The following ART1 variants were observed in gnomAD, a reference collection of about 807,000 sequenced individuals.
ART1 encodes the protein ADP-ribosyltransferase 1, also known as GPI-linked NAD(P)(+)--arginine ADP-ribosyltransferase 1.
Under a neutral mutation model 27.0 loss-of-function variants are expected in ART1, and 29 were observed. The ratio of observed to expected loss-of-function variants is 1.08; its 90% CI spans 0.80 to 1.47. ART1 has a LOEUF of 1.47. Among genes scored for constraint, ART1 ranks in the 40% most tolerant of loss-of-function variants. ART1 has a pLI of 0.00. For synonymous variants in ART1, 201 were observed against 172.2 expected (o/e 1.17, Z -1.31); for missense variants, 480 against 423.0 (o/e 1.13, Z -1.18).
intron 1 of ART1, among the ~76,000 whole-genome samples, chr11:3,645,398 G>C (rs1236675893): frequency 6.6e-6 from 1 of 152,170 alleles, no homozygotes; most frequent in Non-Finnish European, 1.5e-5. Context: ...TGTTCAGCAA[G>C]GGCCTGGATG....
At position 3,663,078 on chromosome 11, in the gene ART1, CA is replaced by C. The variant is rs1564786999; in HGVS notation, c.887-1013del. On this transcript the variant is annotated intron_variant, in intron 4 of 4. Transcript: ENST00000250693. ...CTCATCTCATCTCATCTCATCTCAT[CA>C]TCTCATCTCATCATCTCATCTCATC... 1.4e-3 allele frequency among the ~76,000 whole-genome samples: 150 copies of C among 108,668 alleles called. 1 individual carries two copies. The highest frequency in any genetic ancestry group is 4.3e-3 in the African/African-American group (104 of 24,158). 71.3% of individuals were successfully genotyped at this position (108,668 alleles called of 152,430 possible).
chr11:3,658,814 TC>T (rs1338386659), intron 1 of ART1, among the ~76,000 whole-genome samples: 1 of 152,188 alleles, frequency 6.6e-6, no homozygotes, highest in African/African-American at 2.4e-5. Context: ...CCCCGCAAGC[TC>T]TGCCAGCCTA....
chr11:3,664,203 G>C lies in ART1; in HGVS notation c.*14G>C, dbSNP rs1275446394. On this transcript the variant is annotated 3_prime_UTR_variant, in exon 5 of 5. Transcript: ENST00000250693. ...GGCCTCCTTTGATGCATGAGACACG[G>C]GACAGCCTCGCCTGCTGCCTCTGCC... 1.2e-6 allele frequency: 2 copies of C among 1,611,874 alleles called. No individual in the cohort carries two copies. Among genetic ancestry groups the C allele is most frequent in the Non-Finnish European group, 1.7e-6 (2 of 1,178,930 alleles).
At position 3,660,053 on chromosome 11, in the gene ART1, C is replaced by T; in HGVS notation, c.534C>T (p.Phe178=). The change falls in exon 3 of 5, where the codon TTC becomes TTT. Residue 178 remains phenylalanine (F), a synonymous_variant. Transcript: ENST00000250693. ...GQRPPRCHQV[F]RGVHGLRFRP... ...GTCCACCCCGGTGCCACCAGGTGTT[C>T]CGAGGTGTGCACGGCCTGCGCTTCC... 1 of 1,613,678 alleles carries T rather than the reference C, an allele frequency of 6.2e-7. No homozygotes were observed. The highest frequency in any genetic ancestry group is 1.1e-5 in the South Asian group (1 of 91,068).
rs189708816 is a variant in ART1, at chr11:3,647,810, T to A, written c.-53+2631T>A. Among the ~76,000 whole-genome samples the A allele has an allele frequency of 2.8e-3, 432 of 151,822 alleles. 4 individuals are homozygous for A. In the Middle Eastern group the frequency reaches 0.041, roughly 14 times the overall value. ...TATTAATTATGTGCAGTTTTTTGTA[T>A]ACCAATTATACTTCAATGAGGCTGA... is the stretch of plus-strand genomic sequence containing the variant. On this transcript the variant is annotated intron_variant, in intron 1 of 4. Transcript: ENST00000250693.
intron 1 of ART1, among the ~76,000 whole-genome samples, chr11:3,650,875 A>G (rs376374336): frequency 2.2e-5 from 3 of 136,066 alleles, no homozygotes; most frequent in African/African-American, 7.7e-5. Flanking sequence ...CCGATCATGC[A>G]CCCCTTACCA....
At chr11:3,652,165 A>C (rs1013236619) in intron 1 of ART1, among the ~76,000 whole-genome samples, 1 of 150,478 alleles carries the variant, frequency 6.6e-6, no homozygotes, top group African/African-American at 2.5e-5. Flanking sequence ...AATTAGCTTT[A>C]CTCAACATGC....
chr11:3,658,681 C>T (rs1468912459), intron 1 of ART1, among the ~76,000 whole-genome samples: 1 of 152,184 alleles, frequency 6.6e-6, no homozygotes. Context: ...TAAGGCCCCA[C>T]CAGCTGAACA....
At chr11:3,649,669 A>T (rs1371524426) in intron 1 of ART1, among the ~76,000 whole-genome samples, 1 of 151,586 alleles carries the variant, frequency 6.6e-6, no homozygotes, top group African/African-American at 2.4e-5. Flanking sequence ...CCCTCCTCAC[A>T]CCCGGTCTGG....
intron 1 of ART1, among the ~76,000 whole-genome samples, chr11:3,647,556 C>T (rs1156768272): frequency 6.6e-6 from 1 of 151,896 alleles, no homozygotes; most frequent in African/African-American, 2.4e-5. Context: ...ATCACTTGAA[C>T]CCGGGAGGTA....
rs141732093 is a variant in ART1 at position 3,660,028 on chromosome 11, G to A, written c.509G>A (p.Arg170His). The A allele has an allele frequency of 3.9e-5, 63 of 1,613,744 alleles. No homozygotes were observed. The highest frequency in any genetic ancestry group is 2.1e-4 in the South Asian group (19 of 91,076). The change falls in exon 3 of 5, where the codon CGT (arginine) becomes CAT (histidine). Residue 170 changes from arginine to histidine, a missense_variant. Arg to His is a conservative substitution (Grantham distance 29). Coordinates refer to ENST00000250693, the MANE Select transcript of ART1 (RefSeq NM_004314.3). ...CTGCAGCTCCTGGGCAGCGGCCAGC[G>A]TCCACCCCGGTGCCACCAGGTGTTC... Reference protein sequence around the residue: ...EALQLLGSGQRPPRCHQVFRG... With the variant: ...EALQLLGSGQHPPRCHQVFRG...
chr11:3,655,299 G>A (rs1405292344), intron 1 of ART1, among the ~76,000 whole-genome samples: 1 of 149,290 alleles, frequency 6.7e-6, no homozygotes, highest in East Asian at 2.0e-4. Context: ...GTGATCCCAA[G>A]AAATACAAGT....
intron 4 of ART1, 95 bp from the exon 5 acceptor site, chr11:3,663,993 CACCT>C: frequency 9.1e-7 from 1 of 1,094,750 alleles, no homozygotes; most frequent in Non-Finnish European, 1.3e-6. Context: ...CCAATCTCTC[CACCT>C]TGTATCTGCA....
chr11:3,648,168 A>G (rs1257037838), intron 1 of ART1, among the ~76,000 whole-genome samples: 1 of 151,812 alleles, frequency 6.6e-6, no homozygotes, highest in Non-Finnish European at 1.5e-5. Context: ...TTACCTACCC[A>G]AATCCTATAA....
chr11:3,662,377 A>C (rs1393082273), intron 4 of ART1, among the ~76,000 whole-genome samples: 1 of 152,186 alleles, frequency 6.6e-6, no homozygotes, highest in Non-Finnish European at 1.5e-5. Context: ...AAGAAACAGC[A>C]GCTCCTCCCC....
chr11:3,648,032 C>G (rs2077484145), intron 1 of ART1, among the ~76,000 whole-genome samples: 1 of 152,182 alleles, frequency 6.6e-6, no homozygotes, highest in Non-Finnish European at 1.5e-5. Flanking sequence ...CCTGCCTTAA[C>G]TGATGACATT....
At chr11:3,656,214 G>T (rs921117443) in intron 1 of ART1, among the ~76,000 whole-genome samples, 3 of 151,530 alleles carry the variant, frequency 2.0e-5, no homozygotes, top group Non-Finnish European at 4.4e-5. Flanking sequence ...GATTACAAGC[G>T]TGAGCCACCG....
At chr11:3,663,958 G>A in intron 4 of ART1, 134 bp from the exon 5 acceptor site, 3 of 738,388 alleles carry the variant, frequency 4.1e-6, no homozygotes, top group Non-Finnish European at 6.6e-6. Flanking sequence ...GCAGTTTTGT[G>A]TATCAGTCTG....
intron 1 of ART1, among the ~76,000 whole-genome samples, chr11:3,648,181 C>T (rs936847949): frequency 8.5e-5 from 13 of 152,148 alleles, no homozygotes; most frequent in Non-Finnish European, 1.0e-4. Flanking sequence ...TCCTATAAAA[C>T]GGCCCCACCC....
Sources: gnomAD v4.1 joint callset for allele counts (sites outside exome capture counted in the v4.1 genomes callset) on GRCh38, gnomAD v4.1.1 for gene constraint, MANE v1.5 for transcripts, NCBI Gene and HGNC (gene_info 2026-07-23, HGNC 2026-07-21) for gene names.